The following DDAH1 variants were observed in gnomAD, a reference collection of about 807,000 sequenced individuals.
DDAH1 encodes N(G),N(G)-dimethylarginine dimethylaminohydrolase 1.
A neutral mutation model predicts 28.8 loss-of-function variants in DDAH1; 19 were observed. The ratio of observed to expected loss-of-function variants is 0.66; its 90% CI spans 0.46 to 0.97. The LOEUF (loss-of-function observed/expected upper bound fraction) is 0.97, where lower values mean the gene tolerates loss of function less well. DDAH1 is among the 50% of genes least tolerant of loss of function. DDAH1 has a pLI of 0.00. For missense variants in DDAH1, 326 were observed against 375.9 expected, an observed-to-expected ratio of 0.87 and a Z score of 1.10; for synonymous variants, 153 against 154.4, an observed-to-expected ratio of 0.99 and a Z score of 0.07.
chr1:85,473,260 T>C (rs777464038), intron 2 of DDAH1, among the ~76,000 whole-genome samples: 2 of 152,178 alleles, frequency 1.3e-5, no homozygotes, highest in Non-Finnish European at 2.9e-5. Context: ...CTGGGTCAAA[T>C]GGTAGTTCCC....
chr1:85,414,186 A>T (rs1199967994), intron 1 of DDAH1, among the ~76,000 whole-genome samples: 1 of 152,228 alleles, frequency 6.6e-6, no homozygotes, highest in East Asian at 1.9e-4. Flanking sequence ...AGATCCACAC[A>T]TATATAGGGC....
intron 1 of DDAH1, among the ~76,000 whole-genome samples, chr1:85,385,593 C>T (rs752792811): frequency 3.3e-4 from 50 of 152,248 alleles, no homozygotes; most frequent in Non-Finnish European, 6.8e-4. Context: ...GCAGTTAGAG[C>T]GGCCTGGCAG....
rs1557686884 is a variant in DDAH1, at chr1:85,491,043, A to ACTCTTTTTT, written c.-7+5122_-7+5123insAAAAAAGAG. Among the ~76,000 whole-genome samples the ACTCTTTTTT allele has an allele frequency of 2.5e-5, 2 of 79,340 alleles. 1 individual carries two copies. Among genetic ancestry groups the ACTCTTTTTT allele is most frequent in the Non-Finnish European group, 4.7e-5 (2 of 42,166 alleles). The allele number at this position is 79,340 out of a possible 152,430, so 52.1% of individuals were successfully genotyped here. A position where few individuals can be genotyped will look rare whatever the true frequency, so the allele number is the denominator to read the frequency against. On this transcript the variant is annotated intron_variant, in intron 2 of 6. Coordinates refer to the DDAH1 transcript ENST00000426972. ...TCTTCTAATGACAACAGTAACATGT[A>ACTCTTTTTT]TTCTTTTTTTTTTTTTTTTTTTTGA...
At chr1:85,536,510 G>A (rs1379914778) in intron 1 of DDAH1, among the ~76,000 whole-genome samples, 2 of 152,110 alleles carry the variant, frequency 1.3e-5, no homozygotes, top group Non-Finnish European at 1.5e-5. Context: ...CCGAGATCAC[G>A]CCAATGCACT....
chr1:85,360,384 T>C (rs1570430709), intron 1 of DDAH1, among the ~76,000 whole-genome samples: 1 of 152,314 alleles, frequency 6.6e-6, no homozygotes, highest in Non-Finnish European at 1.5e-5. Context: ...AGAATAGGTT[T>C]TCCTATGTAA....
At chr1:85,373,753 G>T (rs1014760618) in intron 1 of DDAH1, among the ~76,000 whole-genome samples, 1 of 152,068 alleles carries the variant, frequency 6.6e-6, no homozygotes, top group South Asian at 2.1e-4. Flanking sequence ...TACCCAGGGA[G>T]AAACTAAGAG....
chr1:85,367,008 A>G (rs1410246684), intron 1 of DDAH1, among the ~76,000 whole-genome samples: 1 of 152,102 alleles, frequency 6.6e-6, no homozygotes, highest in African/African-American at 2.4e-5. Flanking sequence ...GTGTTTTCTT[A>G]TTTATATTCA....
intron 1 of DDAH1, among the ~76,000 whole-genome samples, chr1:85,497,998 G>A (rs1270354615): frequency 2.0e-5 from 3 of 152,130 alleles, no homozygotes; most frequent in Non-Finnish European, 2.9e-5. Context: ...TAACCCCCTA[G>A]TGTCTTAAAA....
intron 1 of DDAH1, among the ~76,000 whole-genome samples, chr1:85,370,249 A>T (rs1243201521): frequency 6.6e-6 from 1 of 152,214 alleles, no homozygotes; most frequent in Admixed American, 6.5e-5. Flanking sequence ...TCTGCAAGCC[A>T]GGCAGAGGCC....
intron 1 of DDAH1, among the ~76,000 whole-genome samples, chr1:85,544,229 C>T (rs1467107610): frequency 1.3e-5 from 2 of 152,116 alleles, no homozygotes; most frequent in East Asian, 3.9e-4. Context: ...GATTCAGGAG[C>T]TGGGGCAAGC....
At chr1:85,424,076 T>C (rs1488395155) in intron 1 of DDAH1, among the ~76,000 whole-genome samples, 1 of 152,186 alleles carries the variant, frequency 6.6e-6, no homozygotes, top group Non-Finnish European at 1.5e-5. Flanking sequence ...CACTTGTTCA[T>C]TGTGTATAAT....
intron 1 of DDAH1, among the ~76,000 whole-genome samples, chr1:85,449,872 G>A (rs748302993): frequency 1.7e-4 from 26 of 152,128 alleles, no homozygotes; most frequent in Non-Finnish European, 3.2e-4. Context: ...CAAGAAGTCA[G>A]AGCTGGCCAG....
intron 1 of DDAH1, among the ~76,000 whole-genome samples, chr1:85,571,915 C>T (rs539629979): frequency 2.6e-5 from 4 of 152,010 alleles, no homozygotes; most frequent in African/African-American, 9.7e-5. Flanking sequence ...TTGGGCAACC[C>T]CCACCCCACC....
chr1:85,500,582 T>C (rs553363663), intron 1 of DDAH1, among the ~76,000 whole-genome samples: 4 of 152,110 alleles, frequency 2.6e-5, no homozygotes, highest in Non-Finnish European at 5.9e-5. Context: ...TTATTGAGAT[T>C]CTTAGTTTAT....
chr1:85,501,996 C>A (rs1656838422), intron 1 of DDAH1, among the ~76,000 whole-genome samples: 3 of 152,150 alleles, frequency 2.0e-5, no homozygotes, highest in South Asian at 4.1e-4. Context: ...GCTTCCCATG[C>A]CTAAATTATA....
At chr1:85,404,549 GA>G (rs563587020) in intron 1 of DDAH1, 66 of 1,290,158 alleles carry the variant, frequency 5.1e-5, no homozygotes, top group South Asian at 2.4e-4. Context: ...GCTCCAGACA[GA>G]AAAAAAAATA....
At chr1:85,473,609 C>T (rs1655694883) in intron 2 of DDAH1, among the ~76,000 whole-genome samples, 1 of 151,976 alleles carries the variant, frequency 6.6e-6, no homozygotes, top group African/African-American at 2.4e-5. Flanking sequence ...CAGGGAATCA[C>T]TGTATTTGCT....
chr1:85,401,867 A>T (rs1188674866), intron 1 of DDAH1, among the ~76,000 whole-genome samples: 13 of 152,216 alleles, frequency 8.5e-5, no homozygotes, highest in Admixed American at 8.5e-4. Flanking sequence ...TTTCAGTTAT[A>T]TGTAATTTTG....
At chr1:85,342,894 TGA>T (rs1461248204) in intron 4 of DDAH1, among the ~76,000 whole-genome samples, 2 of 152,342 alleles carry the variant, frequency 1.3e-5, no homozygotes, top group Admixed American at 1.3e-4. Context: ...CAGAATTTTC[TGA>T]GATAAACCCA....
Sources: gnomAD v4.1 joint callset for allele counts (sites outside exome capture counted in the v4.1 genomes callset) on GRCh38, gnomAD v4.1.1 for gene constraint, MANE v1.5 for transcripts, NCBI Gene and HGNC (gene_info 2026-07-23, HGNC 2026-07-21) for gene names.